EPHB1: variants seen among roughly 807,000 people sequenced by gnomAD.
EPHB1 encodes EPH receptor B1.
In EPHB1, 30 loss-of-function variants were observed where a neutral mutation model predicts 94.4. That is an observed-to-expected ratio of 0.32 (90% CI 0.24 to 0.43). The LOEUF (loss-of-function observed/expected upper bound fraction) is 0.43. EPHB1 is among the 20% of genes least tolerant of loss of function. The pLI, the probability that EPHB1 is intolerant of heterozygous loss-of-function variation, is 1.00. For missense variants in EPHB1, 1,055 were observed against 1,308.3 expected, an observed-to-expected ratio of 0.81 and a Z score of 2.99; for synonymous variants, 522 against 489.1, an observed-to-expected ratio of 1.07 and a Z score of -0.89.
intron 3 of EPHB1, among the ~76,000 whole-genome samples, chr3:135,061,550 C>A (rs756260077): frequency 1.3e-5 from 2 of 151,922 alleles, no homozygotes; most frequent in Non-Finnish European, 2.9e-5. Context: ...TAATTCATTC[C>A]TTTTTTATGG....
At chr3:134,865,134 G>T (rs2037347488) in intron 1 of EPHB1, among the ~76,000 whole-genome samples, 1 of 151,994 alleles carries the variant, frequency 6.6e-6, no homozygotes, top group Non-Finnish European at 1.5e-5. Flanking sequence ...TTTCTGGATA[G>T]ATATCTATAT....
chr3:135,029,650 C>G (rs1324788694), intron 3 of EPHB1, among the ~76,000 whole-genome samples: 3 of 150,004 alleles, frequency 2.0e-5, no homozygotes, highest in Non-Finnish European at 4.4e-5. Flanking sequence ...TCTGGCTGCC[C>G]TTAACATTTT....
intron 9 of EPHB1, among the ~76,000 whole-genome samples, chr3:135,168,364 A>G (rs1322467641): frequency 6.6e-6 from 1 of 152,184 alleles, no homozygotes; most frequent in Non-Finnish European, 1.5e-5. Context: ...CTATATTCAG[A>G]GTCCTGCTTA....
At position 135,182,627 on chromosome 3, in the gene EPHB1, G is replaced by T. The variant is rs186115840; in HGVS notation, c.1882+2645G>T. On this transcript the variant is annotated intron_variant, in intron 10 of 15. Transcript: ENST00000398015. ...TTGGAGGGGCTGAGCATATCAGGAA[G>T]GCTCTGCAAAGAATGACCTTTGGCC... Among the ~76,000 whole-genome samples the T allele has an allele frequency of 5.9e-5, 9 of 152,322 alleles. No homozygotes were observed. In the East Asian group the frequency reaches 1.7e-3, roughly 29 times the overall value.
At chr3:134,821,617 C>A (rs1196789668) in intron 1 of EPHB1, among the ~76,000 whole-genome samples, 1 of 152,060 alleles carries the variant, frequency 6.6e-6, no homozygotes, top group East Asian at 1.9e-4. Flanking sequence ...TACTCAAAGG[C>A]TGATTGTGTA....
At chr3:135,193,733 A>G (rs994625093) in intron 11 of EPHB1, among the ~76,000 whole-genome samples, 2 of 152,190 alleles carry the variant, frequency 1.3e-5, no homozygotes, top group Non-Finnish European at 2.9e-5. Flanking sequence ...TCATTGAAAC[A>G]TTGCTGGGAT....
In EPHB1 at chr3:134,963,494, C is replaced by T. The variant is rs16842399; in HGVS notation, c.805+11442C>T. On this transcript the variant is annotated intron_variant, in intron 3 of 15. Transcript: ENST00000398015. ...TTCTGGATTGGCTTCCATCTTGTGT[C>T]GAAATGCTAATACAGTGTGGCTGTC... Among the ~76,000 whole-genome samples the T allele has an allele frequency of 6.5e-3, 988 of 152,146 alleles. 8 individuals are homozygous for T. The highest frequency in any genetic ancestry group is 0.022 in the African/African-American group (933 of 41,508).
At chr3:135,090,340 A>G (rs1447541581) in intron 3 of EPHB1, among the ~76,000 whole-genome samples, 1 of 152,262 alleles carries the variant, frequency 6.6e-6, no homozygotes, top group African/African-American at 2.4e-5. Flanking sequence ...CAAAAGTCGC[A>G]GGTCAGACAA....
intron 12 of EPHB1, among the ~76,000 whole-genome samples, chr3:135,202,313 C>G (rs919345466): frequency 6.7e-6 from 1 of 149,510 alleles, no homozygotes; most frequent in Non-Finnish European, 1.5e-5. Flanking sequence ...TATCCTCTCC[C>G]TAGTCCCTCC....
At chr3:134,836,629 G>C (rs1258183995) in intron 1 of EPHB1, among the ~76,000 whole-genome samples, 1 of 152,072 alleles carries the variant, frequency 6.6e-6, no homozygotes, top group Non-Finnish European at 1.5e-5. Context: ...CATATATTAT[G>C]AATATTTACA....
chr3:134,804,557 G>A (rs1307851189), intron 1 of EPHB1, among the ~76,000 whole-genome samples: 1 of 152,130 alleles, frequency 6.6e-6, no homozygotes, highest in Non-Finnish European at 1.5e-5. Flanking sequence ...GTGGGTGTGT[G>A]TGGGGGGGAG....
chr3:134,876,361 T>C (rs2037616182), intron 1 of EPHB1, among the ~76,000 whole-genome samples: 1 of 152,142 alleles, frequency 6.6e-6, no homozygotes. Context: ...CTCTGTAGAG[T>C]TGCAAGTGAT....
Position 134,936,579 on chromosome 3 carries a change from C to G in EPHB1, c.123+10699C>G, listed in dbSNP as rs542362433. On this transcript the variant is annotated intron_variant, in intron 2 of 15. Transcript: ENST00000398015. ...TCAGTGGGGCTGAACGCGCCCCCCCCTCCATTTGAGATGCTGCTCTGACAA... is the reference window on the plus strand; with the variant it reads ...TCAGTGGGGCTGAACGCGCCCCCCCGTCCATTTGAGATGCTGCTCTGACAA... Among the ~76,000 whole-genome samples, 77 of 152,278 alleles carry G rather than the reference C, an allele frequency of 5.1e-4. No individual in the cohort carries two copies. In the Middle Eastern group the frequency reaches 0.01, roughly 20 times the overall value.
chr3:134,882,761 C>CTTTCTTTCTTTCTTTCTTTCTTTCT (rs59448814), intron 1 of EPHB1, among the ~76,000 whole-genome samples: 4 of 31,258 alleles, frequency 1.3e-4, no homozygotes, highest in African/African-American at 2.7e-4. Flanking sequence ...TTTCTTCCTT[C>CTTTCTTTCTTTCTTTCTTTCTTTCT]CTTCCTTTCT....
intron 3 of EPHB1, among the ~76,000 whole-genome samples, chr3:135,069,830 A>T (rs1350536756): frequency 6.6e-6 from 1 of 152,190 alleles, no homozygotes; most frequent in Non-Finnish European, 1.5e-5. Flanking sequence ...TGATTAAAAA[A>T]AAAAGCTAGA....
intron 10 of EPHB1, 78 bp from the exon 11 acceptor site, chr3:135,192,498 T>A: frequency 6.5e-7 from 1 of 1,528,542 alleles, no homozygotes; most frequent in South Asian, 1.3e-5. Flanking sequence ...GGCACCATTG[T>A]TCTCCATTAG....
chr3:135,232,666 T>A (rs1356609200), intron 12 of EPHB1, among the ~76,000 whole-genome samples: 2 of 152,244 alleles, frequency 1.3e-5, no homozygotes, highest in Non-Finnish European at 2.9e-5. Context: ...TAGTACAATG[T>A]TGAAAAATAT....
At chr3:135,100,915 T>C (rs1939011866) in intron 3 of EPHB1, among the ~76,000 whole-genome samples, 3 of 152,126 alleles carry the variant, frequency 2.0e-5, no homozygotes, top group Non-Finnish European at 4.4e-5. Flanking sequence ...CTCCTCCCCT[T>C]TTCTGAAGTT....
At chr3:135,050,522 G>C (rs1263600573) in intron 3 of EPHB1, among the ~76,000 whole-genome samples, 1 of 152,038 alleles carries the variant, frequency 6.6e-6, no homozygotes, top group African/African-American at 2.4e-5. Context: ...TGATTACCAG[G>C]GCCTGGTTTC....
Sources: allele counts gnomAD v4.1 joint callset (sites outside exome capture counted in the v4.1 genomes callset), GRCh38; gene constraint gnomAD v4.1.1; transcripts MANE v1.5; gene names NCBI Gene and HGNC (gene_info 2026-07-23, HGNC 2026-07-21).